The following SNX25 variants were observed in gnomAD, a reference collection of about 807,000 sequenced individuals.
SNX25 encodes sorting nexin 25.
In SNX25, 62 loss-of-function variants were observed where a neutral mutation model predicts 113.7. The ratio of observed to expected loss-of-function variants is 0.55; its 90% CI spans 0.44 to 0.67. The LOEUF (loss-of-function observed/expected upper bound fraction) is 0.67, where lower values mean the gene tolerates loss of function less well. SNX25 is among the 30% of genes least tolerant of loss of function. The probability of loss-of-function intolerance (pLI) is 0.00; values close to 1 mark genes in which losing one functional copy is unlikely to be tolerated. For missense variants in SNX25, 1,014 were observed against 1,161.0 expected, an observed-to-expected ratio of 0.87 and a Z score of 1.84; for synonymous variants, 421 against 436.2, an observed-to-expected ratio of 0.97 and a Z score of 0.43.
At chr4:185,206,428 T>C (rs1361252262), upstream of SNX25, among the ~76,000 whole-genome samples, 1 of 151,968 alleles carries the variant, frequency 6.6e-6, no homozygotes, top group Admixed American at 6.6e-5. Context: ...CCCAGCACTT[T>C]GGGAGGCCAA....
At chr4:185,338,280 T>G (rs747245520) in intron 10 of SNX25, among the ~76,000 whole-genome samples, 55 of 149,898 alleles carry the variant, frequency 3.7e-4, no homozygotes, top group Middle Eastern at 3.5e-3. Context: ...TTCTGTGTGT[T>G]TTTTTTTTTT....
intron 3 of SNX25, 95 bp downstream of exon 3, chr4:185,259,159 C>A: frequency 1.0e-6 from 1 of 994,504 alleles, no homozygotes; most frequent in Non-Finnish European, 1.5e-6. Context: ...AATATTCTGC[C>A]TATTGCTGGC....
chr4:185,341,888 A>G, intron 11 of SNX25, 88 bp from the exon 12 acceptor site: 1 of 1,396,452 alleles, frequency 7.2e-7, no homozygotes, highest in Non-Finnish European at 9.6e-7. Flanking sequence ...CGGGGAGGGA[A>G]ATCTCCTTAG....
At chr4:185,274,064 T>C (rs80089231) in intron 5 of SNX25, among the ~76,000 whole-genome samples, 2,399 of 140,022 alleles carry the variant, frequency 0.017, 48 homozygotes, top group South Asian at 0.064. Context: ...ATACACGGGC[T>C]TTTTTTTTTT....
At chr4:185,224,081 A>G (rs1428731536) in intron 1 of SNX25, among the ~76,000 whole-genome samples, 3 of 151,798 alleles carry the variant, frequency 2.0e-5, no homozygotes, top group Non-Finnish European at 1.5e-5. Context: ...TTCTGGGCAC[A>G]GTGGCTCACG....
exon 12 of SNX25, chr4:185,369,779 T>C (rs2095408730): frequency 2.2e-6 from 1 of 445,976 alleles, no homozygotes; most frequent in East Asian, 7.2e-5. Context: ...TTCTGTCTCC[T>C]AGAGACCATG....
At chr4:185,341,931 T>A in intron 11 of SNX25, 45 bp from the exon 12 acceptor site, 1 of 1,551,188 alleles carries the variant, frequency 6.4e-7, no homozygotes, top group South Asian at 1.3e-5. Context: ...TCTGCATCCA[T>A]TCACCATGCT....
downstream of SNX25, chr4:185,366,878 G>A (rs1178886045): frequency 5.0e-6 from 1 of 201,974 alleles, no homozygotes; most frequent in African/African-American, 2.3e-5. Flanking sequence ...GAGACTCGGT[G>A]TTTAAGAAAG....
At chr4:185,353,338 T>C in intron 14 of SNX25, 147 bp from the exon 15 acceptor site, 1 of 606,638 alleles carries the variant, frequency 1.6e-6, no homozygotes, top group East Asian at 2.7e-5. Context: ...TCCTCTGTGT[T>C]GAAAATGGTA....
intron 10 of SNX25, among the ~76,000 whole-genome samples, chr4:185,333,406 A>C (rs2095208973): frequency 6.6e-6 from 1 of 152,156 alleles, no homozygotes; most frequent in Non-Finnish European, 1.5e-5. Flanking sequence ...ACTTAGAATA[A>C]AGCAATTTCA....
At chr4:185,216,961 T>C (rs1738951185) in intron 1 of SNX25, among the ~76,000 whole-genome samples, 1 of 152,192 alleles carries the variant, frequency 6.6e-6, no homozygotes. Flanking sequence ...ATGAGATGAC[T>C]CATAGGAGCT....
chr4:185,349,711 A>G (rs1397107401), intron 13 of SNX25, among the ~76,000 whole-genome samples: 3 of 152,038 alleles, frequency 2.0e-5, no homozygotes, highest in Non-Finnish European at 2.9e-5. Context: ...TCCTTTGCCC[A>G]CTTTTTAATG....
In SNX25 at chr4:185,276,441, G is replaced by A. The variant is rs1228832833; in HGVS notation, c.1091+9286G>A. On this transcript the variant is annotated intron_variant, in intron 5 of 18. Transcript: ENST00000652585. ...ATAACAACACTCTTCCTCCCATCCCGAGGTCGGAACCGTTTTAAAGCCAAA... is the reference window on the plus strand; with the variant it reads ...ATAACAACACTCTTCCTCCCATCCCAAGGTCGGAACCGTTTTAAAGCCAAA... Among the ~76,000 whole-genome samples, 5 of 152,270 alleles carry A rather than the reference G, an allele frequency of 3.3e-5. No individual in the cohort carries two copies. The South Asian group carries it at 6.2e-4, about 19-fold the overall frequency.
chr4:185,224,446 AATAT>A (rs1197836141), intron 1 of SNX25, among the ~76,000 whole-genome samples: 43 of 117,704 alleles, frequency 3.7e-4, no homozygotes, highest in East Asian at 4.8e-4. Context: ...TAGATATATA[AATAT>A]ATATATAGAT....
At chr4:185,282,813 A>G (rs1374197173) in intron 5 of SNX25, among the ~76,000 whole-genome samples, 1 of 152,202 alleles carries the variant, frequency 6.6e-6, no homozygotes, top group African/African-American at 2.4e-5. Context: ...GGGAAAGCGT[A>G]CAAACATCAG....
At chr4:185,217,012 G>A (rs1198113382) in intron 1 of SNX25, among the ~76,000 whole-genome samples, 2 of 152,210 alleles carry the variant, frequency 1.3e-5, no homozygotes, top group Admixed American at 6.5e-5. Context: ...TGGAAATGCC[G>A]TGGAGTAGAA....
intron 1 of SNX25, among the ~76,000 whole-genome samples, chr4:185,226,473 C>T (rs1741013859): frequency 6.6e-6 from 1 of 152,184 alleles, no homozygotes; most frequent in African/African-American, 2.4e-5. Context: ...TTGTTTGAGA[C>T]AGGGTCTCAC....
chr4:185,284,401 C>T (rs1342466895), intron 5 of SNX25, among the ~76,000 whole-genome samples: 1 of 152,064 alleles, frequency 6.6e-6, no homozygotes, highest in East Asian at 1.9e-4. Flanking sequence ...TCAGAGAAGA[C>T]AGATATTGGT....
upstream of SNX25, chr4:185,209,331 T>C (rs982957658): frequency 4.6e-5 from 7 of 152,330 alleles, no homozygotes; most frequent in Admixed American, 3.3e-4. This position sits in a 1 kb window ranked among gnomAD's most constrained non-coding sequence, Gnocchi z 5.2. Flanking sequence ...TCACCTGAGC[T>C]CAGGAATTAC....
Sources: allele counts gnomAD v4.1 joint callset (sites outside exome capture counted in the v4.1 genomes callset), GRCh38; gene constraint gnomAD v4.1.1; non-coding constraint Gnocchi (gnomAD v3.1); transcripts MANE v1.5; gene names NCBI Gene and HGNC (gene_info 2026-07-23, HGNC 2026-07-21).